NSL1: variants seen among roughly 807,000 people sequenced by gnomAD.
NSL1 encodes the protein NSL1 component of MIS12 kinetochore complex.
A neutral mutation model predicts 25.4 loss-of-function variants in NSL1; 11 were observed. That is an observed-to-expected ratio of 0.43 (90% CI 0.27 to 0.72). The LOEUF (loss-of-function observed/expected upper bound fraction) is 0.72. Among genes scored for constraint, NSL1 ranks in the 30% least tolerant of loss-of-function variants. The pLI is 0.19. For missense variants in NSL1, 330 were observed against 342.7 expected (o/e 0.96, Z 0.29); for synonymous variants, 118 against 120.6 (o/e 0.98, Z 0.14).
intron 2 of NSL1, 51 bp downstream of exon 2, chr1:212,787,508 T>A: frequency 7.3e-7 from 1 of 1,369,282 alleles, no homozygotes. Flanking sequence ...AAAACAAAAT[T>A]AGCTGCAAAA....
chr1:212,769,745 G>A (rs1161820963), intron 4 of NSL1, among the ~76,000 whole-genome samples: 1 of 152,000 alleles, frequency 6.6e-6, no homozygotes, highest in African/African-American at 2.4e-5. Context: ...TACCACTACA[G>A]AAAACCACTA....
chr1:212,744,641 CAG>C (rs749292561), intron 4 of NSL1, among the ~76,000 whole-genome samples: 2 of 152,012 alleles, frequency 1.3e-5, no homozygotes, highest in Non-Finnish European at 2.9e-5. Flanking sequence ...TGTCACCGAA[CAG>C]AGAATACCAA....
At chr1:212,781,879 T>A in intron 4 of NSL1, 1 of 253,114 alleles carries the variant, frequency 4.0e-6, no homozygotes, top group South Asian at 4.5e-5. Flanking sequence ...CCCTGTTGTA[T>A]GGGATACATA....
intron 4 of NSL1, among the ~76,000 whole-genome samples, chr1:212,742,172 A>C (rs2102431814): frequency 6.6e-6 from 1 of 152,348 alleles, no homozygotes; most frequent in East Asian, 1.9e-4. Context: ...CAAAATATGT[A>C]CTTAATATGT....
In NSL1 at chr1:212,736,301, G is replaced by A; in HGVS notation, c.*2107C>T. 1 of 969,334 alleles carries A rather than the reference G, an allele frequency of 1.0e-6. No homozygotes were observed. Among genetic ancestry groups the A allele is most frequent in the Non-Finnish European group, 1.2e-6 (1 of 815,174 alleles). The allele number at this position is 969,334 out of a possible 1,614,324, so 60.0% of individuals were successfully genotyped here. A position where few individuals can be genotyped will look rare whatever the true frequency, so the allele number is the denominator to read the frequency against. On this transcript the variant is annotated 3_prime_UTR_variant, in exon 6 of 6. Coordinates refer to ENST00000366977, the MANE Select transcript of NSL1 (RefSeq NM_015471.4). ...AGCCTCCCAAAGTGCTGGGATTACAGGCATGAGCCCACCGCGCCTGGCTAT... is the reference window on the plus strand; with the variant it reads ...AGCCTCCCAAAGTGCTGGGATTACAAGCATGAGCCCACCGCGCCTGGCTAT...
chr1:212,779,176 G>C (rs372970456), intron 4 of NSL1, among the ~76,000 whole-genome samples: 1 of 148,896 alleles, frequency 6.7e-6, no homozygotes, highest in African/African-American at 2.5e-5. Flanking sequence ...CAACCACACC[G>C]TCTGGGAAGT....
rs1050817003 is a variant in NSL1 at position 212,730,371 on chromosome 1, A to G, written c.*8037T>C. 8.1e-6 allele frequency: 8 copies of G among 985,182 alleles called. No individual in the cohort carries two copies. In the African/African-American group the frequency reaches 8.7e-5, roughly 11 times the overall value. 61.0% of individuals were successfully genotyped at this position (985,182 alleles called of 1,614,324 possible). A position where few individuals can be genotyped will look rare whatever the true frequency, so the allele number is the denominator to read the frequency against. On this transcript the variant is annotated 3_prime_UTR_variant, in exon 6 of 6. Transcript: ENST00000366977. ...GGCAGAAATGGACAAAAGAACTCCA[A>G]TGACATCATTGTAGAAGATGTGGGC...
chr1:212,728,888 A>G lies in NSL1; in HGVS notation c.*9520T>C, dbSNP rs758700932. The G allele has an allele frequency of 4.0e-5, 39 of 985,294 alleles. No individual in the cohort carries two copies. The highest frequency in any genetic ancestry group is 5.2e-4 in the Middle Eastern group (1 of 1,936). The allele number at this position is 985,294 out of a possible 1,614,324, so 61.0% of individuals were successfully genotyped here. A position where few individuals can be genotyped will look rare whatever the true frequency, so the allele number is the denominator to read the frequency against. ...TGGGAGTGCTGGGGGTGGGGAGGCC[A>G]GAGTCCACCACTCTGGCAAAGAGCA... On this transcript the variant is annotated 3_prime_UTR_variant, in exon 6 of 6. Coordinates refer to ENST00000366977, the MANE Select transcript of NSL1 (RefSeq NM_015471.4).
At chr1:212,751,068 A>C (rs1034093685) in intron 4 of NSL1, among the ~76,000 whole-genome samples, 20 of 152,362 alleles carry the variant, frequency 1.3e-4, no homozygotes, top group Middle Eastern at 6.8e-3. Context: ...CTCAGATTGA[A>C]GAACACTTAC....
chr1:212,766,443 T>G (rs1659823789), intron 4 of NSL1, among the ~76,000 whole-genome samples: 2 of 151,316 alleles, frequency 1.3e-5, no homozygotes, highest in South Asian at 4.2e-4. Flanking sequence ...CCCTGAAGAC[T>G]CCATCCTGGC....
rs199984145 is a variant in NSL1, at chr1:212,738,436, C to G, written c.818G>C (p.Arg273Pro). Residue 273 changes from arginine to proline, a missense_variant, in exon 6 of 6, where the codon CGG (arginine) becomes CCG (proline). Transcript: ENST00000366977. Reference sequence around the variant, plus strand: ...TGTATCAAGATTAATTTTCTTTGGCCGCAATGGATACCATTTTCTCTGGGG... The same window carrying G: ...TGTATCAAGATTAATTTTCTTTGGCGGCAATGGATACCATTTTCTCTGGGG... ...DCPQRKWYPL[R>P]PKKINLDT is the part of the protein sequence containing the mutation. 2 of 1,612,714 alleles carry G rather than the reference C, an allele frequency of 1.2e-6. No homozygotes were observed. Among genetic ancestry groups the G allele is most frequent in the Non-Finnish European group, 1.7e-6 (2 of 1,179,606 alleles).
At chr1:212,788,429 G>A (rs1042858799) in intron 1 of NSL1, among the ~76,000 whole-genome samples, 1 of 152,166 alleles carries the variant, frequency 6.6e-6, no homozygotes, top group African/African-American at 2.4e-5. Flanking sequence ...TTTGACAACT[G>A]TTGAGTTTGG....
intron 4 of NSL1, among the ~76,000 whole-genome samples, chr1:212,761,861 A>G (rs560861056): frequency 6.6e-6 from 1 of 152,094 alleles, no homozygotes; most frequent in African/African-American, 2.4e-5. Context: ...TGAGAGCTTC[A>G]GAAACAGACT....
intron 4 of NSL1, among the ~76,000 whole-genome samples, chr1:212,763,435 T>C (rs6693311): frequency 0.3 from 44,907 of 151,950 alleles, 8,405 homozygotes; most frequent in Non-Finnish European, 0.4. Flanking sequence ...GTACCTAACA[T>C]TTCAATATTA....
At position 212,729,426 on chromosome 1, in the gene NSL1, A is replaced by C. The variant is rs1657916864; in HGVS notation, c.*8982T>G. 1.0e-6 allele frequency: 1 copy of C among 985,122 alleles called. No individual in the cohort carries two copies. Among genetic ancestry groups the C allele is most frequent in the Non-Finnish European group, 1.2e-6 (1 of 829,774 alleles). 61.0% of individuals were successfully genotyped at this position (985,122 alleles called of 1,614,324 possible). On this transcript the variant is annotated 3_prime_UTR_variant, in exon 6 of 6. Transcript: ENST00000366977. Reference sequence around the variant, plus strand: ...GATTCATCGAGTATGTGTGTAATAAAAGGTGTGGCTACGAAAAATCATTTT... The same window carrying C: ...GATTCATCGAGTATGTGTGTAATAACAGGTGTGGCTACGAAAAATCATTTT...
In NSL1 at chr1:212,735,368, G is replaced by A; in HGVS notation, c.*3040C>T. On this transcript the variant is annotated 3_prime_UTR_variant, in exon 6 of 6. Coordinates refer to ENST00000366977, the MANE Select transcript of NSL1 (RefSeq NM_015471.4). ...GAATAAATGAATGAAGGTGGATAGAGAAGATAGGTGTTCACCAGAAATCAA... is the reference window on the plus strand; with the variant it reads ...GAATAAATGAATGAAGGTGGATAGAAAAGATAGGTGTTCACCAGAAATCAA... 5 of 985,438 alleles carry A rather than the reference G, an allele frequency of 5.1e-6. No homozygotes were observed. Among genetic ancestry groups the A allele is most frequent in the South Asian group, 4.7e-5 (1 of 21,290 alleles). 61.0% of individuals were successfully genotyped at this position (985,438 alleles called of 1,614,324 possible). A position where few individuals can be genotyped will look rare whatever the true frequency, so the allele number is the denominator to read the frequency against.
intron 4 of NSL1, among the ~76,000 whole-genome samples, chr1:212,757,263 T>C (rs1223326179): frequency 1.3e-5 from 2 of 152,050 alleles, no homozygotes; most frequent in African/African-American, 2.4e-5. Flanking sequence ...CCGGGGACCA[T>C]ATCATTGAGG....
intron 1 of NSL1, among the ~76,000 whole-genome samples, chr1:212,787,855 C>G (rs1318829369): frequency 6.6e-6 from 1 of 151,860 alleles, no homozygotes; most frequent in Admixed American, 6.6e-5. Context: ...AAGAGAAAAT[C>G]TGATTTAAAA....
In NSL1 at chr1:212,735,283, G is replaced by T; in HGVS notation, c.*3125C>A. 1 of 982,588 alleles carries T rather than the reference G, an allele frequency of 1.0e-6. No homozygotes were observed. Among genetic ancestry groups the T allele is most frequent in the Non-Finnish European group, 1.2e-6 (1 of 827,414 alleles). 60.9% of individuals were successfully genotyped at this position (982,588 alleles called of 1,614,324 possible). ...TCAGATGATCTGGCTTAGAGGCTGT[G>T]CTCTTAAGATCTCTGACTTTTGATC... On this transcript the variant is annotated 3_prime_UTR_variant, in exon 6 of 6. Coordinates refer to ENST00000366977, the MANE Select transcript of NSL1 (RefSeq NM_015471.4).
Sources: allele counts gnomAD v4.1 joint callset (sites outside exome capture counted in the v4.1 genomes callset), GRCh38; gene constraint gnomAD v4.1.1; transcripts MANE v1.5; gene names NCBI Gene and HGNC (gene_info 2026-07-23, HGNC 2026-07-21).